CEP164: variants seen among roughly 807,000 people sequenced by gnomAD.
CEP164 encodes the protein centrosomal protein of 164 kDa.
A neutral mutation model predicts 182.7 loss-of-function variants in CEP164; 162 were observed. That is an observed-to-expected ratio of 0.89 (90% CI 0.78 to 1.01). The LOEUF is 1.01. Among genes scored for constraint, CEP164 ranks in the 50% least tolerant of loss-of-function variants. The probability of loss-of-function intolerance (pLI) is 0.00; values close to 1 mark genes in which losing one functional copy is unlikely to be tolerated. For synonymous variants in CEP164, 661 were observed against 690.0 expected (o/e 0.96, Z 0.66); for missense variants, 1,735 against 1,790.4 (o/e 0.97, Z 0.56).
chr11:117,326,306 G>A (rs1261938916), upstream of CEP164, among the ~76,000 whole-genome samples: 1 of 151,908 alleles, frequency 6.6e-6, no homozygotes, highest in Non-Finnish European at 1.5e-5. Flanking sequence ...TGGGCTCATT[G>A]CAACCTCCAC....
rs143659874 is a variant in CEP164, at chr11:117,351,975, C to G, written c.380C>G (p.Pro127Arg). ...EKKDKKDRDP[P>R]KSSLALGSSL... ...AAAGACAAGAAGGACAGAGACCCCC[C>G]CAAAAGTTCGCTGGTGAGTCAGTGG... The change falls in exon 5 of 33, where the codon CCC (proline) becomes CGC (arginine). Residue 127 changes from proline to arginine, a missense_variant. Pro to Arg is a moderately radical substitution (Grantham distance 103). Coordinates refer to ENST00000278935, the MANE Select transcript of CEP164 (RefSeq NM_014956.5). 1.0e-4 allele frequency: 158 copies of G among 1,581,126 alleles called. No homozygotes were observed. The East Asian group carries it at 2.4e-3, about 24-fold the overall frequency.
intron 5 of CEP164, chr11:117,359,494 A>T: frequency 1.0e-6 from 1 of 985,440 alleles, no homozygotes. Context: ...CCTGATGAGC[A>T]TCTGATGCAG....
Position 117,344,264 on chromosome 11 carries a change from G to T in CEP164, c.181G>T (p.Glu61Ter). 6.2e-7 allele frequency: 1 copy of T among 1,612,448 alleles called. No individual in the cohort carries two copies. The highest frequency in any genetic ancestry group is 1.1e-5 in the South Asian group (1 of 90,750). Residue 61 changes from glutamate (E) to a stop codon, truncating the protein, a stop_gained, in exon 4 of 33, where the codon GAG becomes TAG. Coordinates refer to ENST00000278935, the MANE Select transcript of CEP164 (RefSeq NM_014956.5). LOFTEE classifies it high-confidence loss of function. ...REGIVAPLPGEWKPCQDITGD... is the reference protein window; with the variant it reads ...REGIVAPLPG ...GGGCATCGTGGCCCCACTGCCTGGA[G>T]AGTGGAAACCATGGTAAGTCAGCAG...
At chr11:117,399,825 A>T (rs1261778267) in intron 27 of CEP164, among the ~76,000 whole-genome samples, 3 of 151,770 alleles carry the variant, frequency 2.0e-5, no homozygotes, top group African/African-American at 7.3e-5. Context: ...CCACTTTTTG[A>T]TGAGGTTGTT....
At chr11:117,324,027 T>A, upstream of CEP164, 1 of 239,500 alleles carries the variant, frequency 4.2e-6, no homozygotes, top group Non-Finnish European at 8.9e-6. Context: ...AGGGAAAAAA[T>A]TTGTCATCAA....
intron 13 of CEP164, 113 bp downstream of exon 13, chr11:117,381,981 G>C: frequency 3.7e-6 from 2 of 537,444 alleles, no homozygotes; most frequent in East Asian, 5.3e-5. Context: ...CTTGGGGAGG[G>C]AGTGGGGAGC....
chr11:117,381,772 C>G lies in CEP164; in HGVS notation c.1481C>G (p.Pro494Arg), dbSNP rs150839905. The G allele has an allele frequency of 1.1e-5, 17 of 1,600,278 alleles. No homozygotes were observed. In the East Asian group the frequency reaches 3.4e-4, roughly 32 times the overall value. The change falls in exon 13 of 33, where the codon CCT becomes CGT. Residue 494 changes from proline (P) to arginine (R), a missense_variant. By Grantham distance (103) the Pro-to-Arg change is moderately radical. Transcript: ENST00000278935. The part of the protein sequence containing the change: ...PPRSLATEEE[P>R]PQGPEGQPEW... The stretch of plus-strand genomic sequence containing the variant: ...CGCAGCCTGGCCACTGAAGAAGAGC[C>G]TCCCCAGGGCCCCGAGGGGCAGCCC...
chr11:117,411,958 G>C lies in CEP164; in HGVS notation c.4286+41G>C. Reference sequence around the variant, plus strand: ...GTTCCCAAACTGGGCTGGGCTGTGGGGACTGTGCTTGTGCCCTGAGGGGCT... The same window carrying C: ...GTTCCCAAACTGGGCTGGGCTGTGGCGACTGTGCTTGTGCCCTGAGGGGCT... On this transcript the variant is annotated intron_variant, in intron 32 of 32. Transcript: ENST00000278935. The surrounding 1 kb of genome is among the most constrained non-coding windows in gnomAD (Gnocchi z 4.4). 6.2e-7 allele frequency: 1 copy of C among 1,612,682 alleles called. No individual in the cohort carries two copies. Among genetic ancestry groups the C allele is most frequent in the Non-Finnish European group, 8.5e-7 (1 of 1,179,280 alleles).
intron 3 of CEP164, among the ~76,000 whole-genome samples, chr11:117,340,983 CA>C (rs1239586991): frequency 6.6e-6 from 1 of 152,094 alleles, no homozygotes; most frequent in Non-Finnish European, 1.5e-5. Context: ...CACGCCACCA[CA>C]CCCAGCTAAT....
chr11:117,338,854 G>A (rs564203761), intron 3 of CEP164, among the ~76,000 whole-genome samples, 186 bp downstream of exon 3: 5 of 152,036 alleles, frequency 3.3e-5, no homozygotes, highest in African/African-American at 1.2e-4. Flanking sequence ...GTTTCTTTCT[G>A]TTGCCCAGGC....
At chr11:117,372,018 T>C (rs2042248604) in intron 9 of CEP164, among the ~76,000 whole-genome samples, 1 of 152,078 alleles carries the variant, frequency 6.6e-6, no homozygotes, top group Non-Finnish European at 1.5e-5. Context: ...TTTTGGTATT[T>C]TTTGTAGAGA....
At chr11:117,372,442 A>C (rs2042310790) in intron 9 of CEP164, among the ~76,000 whole-genome samples, 1 of 130,934 alleles carries the variant, frequency 7.6e-6, no homozygotes. Context: ...TTTGAGATGG[A>C]TTTTCACTCT....
chr11:117,340,347 A>G (rs2037915413), intron 3 of CEP164, among the ~76,000 whole-genome samples: 2 of 152,244 alleles, frequency 1.3e-5, no homozygotes, highest in South Asian at 2.1e-4. Context: ...TTGAAGCACT[A>G]TGCAATTATT....
intron 8 of CEP164, among the ~76,000 whole-genome samples, chr11:117,370,060 C>T (rs2042048337): frequency 1.3e-5 from 2 of 152,236 alleles, no homozygotes. Flanking sequence ...TAATGGCAGC[C>T]TACTAGGCGA....
intron 4 of CEP164, among the ~76,000 whole-genome samples, chr11:117,347,062 C>T (rs374223295): frequency 6.6e-6 from 1 of 152,158 alleles, no homozygotes; most frequent in South Asian, 2.1e-4. Context: ...TTATTATATA[C>T]ACTGTTCTTC....
At chr11:117,396,697 G>T in intron 26 of CEP164, 86 bp downstream of exon 26, 2 of 1,054,942 alleles carry the variant, frequency 1.9e-6, no homozygotes, top group Non-Finnish European at 3.0e-6. Context: ...GGGGTGAGCT[G>T]AAGTGAGGAG....
chr11:117,389,938 CTTTTTTTTTTTTT>C (rs34794541), intron 15 of CEP164, among the ~76,000 whole-genome samples: 1 of 94,612 alleles, frequency 1.1e-5, no homozygotes, highest in Non-Finnish European at 2.1e-5. Flanking sequence ...CAGTAGTTTG[CTTTTTTTTTTTTT>C]TTTTTTTTGG....
chr11:117,398,446 T>A (rs750902340), intron 27 of CEP164, among the ~76,000 whole-genome samples: 1 of 152,214 alleles, frequency 6.6e-6, no homozygotes, highest in Non-Finnish European at 1.5e-5. Context: ...ACAGCTCTAT[T>A]AGGCAGTGCC....
chr11:117,371,600 T>A, intron 9 of CEP164, 134 bp downstream of exon 9: 1 of 1,102,880 alleles, frequency 9.1e-7, no homozygotes, highest in Non-Finnish European at 1.2e-6. Flanking sequence ...CACTGGGCTG[T>A]CAGCATCAGC....
Sources: allele counts gnomAD v4.1 joint callset (sites outside exome capture counted in the v4.1 genomes callset), GRCh38; gene constraint gnomAD v4.1.1; non-coding constraint Gnocchi (gnomAD v3.1); transcripts MANE v1.5; gene names NCBI Gene and HGNC (gene_info 2026-07-23, HGNC 2026-07-21).